The following RAD51B variants were observed in gnomAD, a reference collection of about 807,000 sequenced individuals.
RAD51B encodes RAD51 paralog B.
Under a neutral mutation model 42.2 loss-of-function variants are expected in RAD51B, and 38 were observed. That is an observed-to-expected ratio of 0.90 (90% confidence interval 0.70 to 1.18). The LOEUF (loss-of-function observed/expected upper bound fraction) is 1.18, where lower values mean the gene tolerates loss of function less well. RAD51B is among the 50% of genes most tolerant of loss of function. The pLI is 0.00. For synonymous variants in RAD51B, 154 were observed against 145.2 expected, an observed-to-expected ratio of 1.06 and a Z score of -0.43; for missense variants, 373 against 400.7, an observed-to-expected ratio of 0.93 and a Z score of 0.59.
At chr14:68,628,866 G>A (rs954820546) in intron 10 of RAD51B, among the ~76,000 whole-genome samples, 1 of 152,190 alleles carries the variant, frequency 6.6e-6, no homozygotes, top group Non-Finnish European at 1.5e-5. Flanking sequence ...ACAGCCTCGG[G>A]CATGAACCCG....
chr14:67,884,468 A>C (rs777769679), intron 5 of RAD51B, among the ~76,000 whole-genome samples: 1 of 152,320 alleles, frequency 6.6e-6, no homozygotes, highest in South Asian at 2.1e-4. Context: ...AAAAACTGGT[A>C]GGTTCTAAGT....
chr14:68,427,335 C>G (rs750779429), intron 9 of RAD51B, among the ~76,000 whole-genome samples: 1 of 152,202 alleles, frequency 6.6e-6, no homozygotes, highest in Non-Finnish European at 1.5e-5. Flanking sequence ...GCCCCAGCCT[C>G]GGACAGCTGA....
At chr14:68,010,189 T>C (rs1269104697) in intron 7 of RAD51B, among the ~76,000 whole-genome samples, 1 of 151,866 alleles carries the variant, frequency 6.6e-6, no homozygotes, top group East Asian at 1.9e-4. Context: ...TTATATCTAA[T>C]TGGAACCTAC....
intron 9 of RAD51B, among the ~76,000 whole-genome samples, chr14:68,424,782 T>C (rs1271250213): frequency 6.6e-6 from 1 of 152,180 alleles, no homozygotes; most frequent in East Asian, 1.9e-4. Flanking sequence ...GTAATCTCTT[T>C]TTTTTCCTTA....
At chr14:68,375,579 A>G (rs2083351539) in intron 8 of RAD51B, among the ~76,000 whole-genome samples, 1 of 151,988 alleles carries the variant, frequency 6.6e-6, no homozygotes, top group Non-Finnish European at 1.5e-5. Flanking sequence ...CTCTTCTCAC[A>G]ACTGTAACTA....
At chr14:67,984,161 T>C (rs1384287826) in intron 7 of RAD51B, among the ~76,000 whole-genome samples, 2 of 152,058 alleles carry the variant, frequency 1.3e-5, no homozygotes, top group Non-Finnish European at 2.9e-5. Flanking sequence ...CTGGTCTCGA[T>C]CTCTTGACCT....
chr14:68,041,304 C>G (rs2076213730), intron 7 of RAD51B, among the ~76,000 whole-genome samples: 1 of 152,086 alleles, frequency 6.6e-6, no homozygotes, highest in Non-Finnish European at 1.5e-5. Context: ...TATAAATTAC[C>G]CAGTCTCAGG....
intron 4 of RAD51B, among the ~76,000 whole-genome samples, chr14:67,856,880 G>GGTT (rs1484975241): frequency 1.3e-5 from 2 of 151,698 alleles, no homozygotes; most frequent in African/African-American, 4.8e-5. Flanking sequence ...TTCTCAAGCA[G>GGTT]GTTGTTGAAA....
chr14:68,669,036 G>A (rs7141573), intron 11 of RAD51B, among the ~76,000 whole-genome samples: 80,910 of 152,088 alleles, frequency 0.53, 22,188 homozygotes, highest in East Asian at 0.85. Context: ...CTTTGCTAGA[G>A]TCCAGAAAGA....
intron 10 of RAD51B, among the ~76,000 whole-genome samples, chr14:68,637,092 T>G (rs1892356115): frequency 6.6e-6 from 1 of 152,326 alleles, no homozygotes; most frequent in South Asian, 2.1e-4. Context: ...AACAAACTTT[T>G]TTTTTCAGAC....
intron 7 of RAD51B, among the ~76,000 whole-genome samples, chr14:67,966,489 A>G (rs572050319): frequency 1.3e-5 from 2 of 152,304 alleles, no homozygotes; most frequent in African/African-American, 4.8e-5. Flanking sequence ...TATCTTCAAA[A>G]CATGTGGAAT....
At chr14:68,338,906 A>T in intron 8 of RAD51B, 3 of 652,102 alleles carry the variant, frequency 4.6e-6, no homozygotes, top group Non-Finnish European at 8.6e-6. Flanking sequence ...CTTCCGAGTT[A>T]ACCTTTGTGA....
chr14:68,438,006 TGTGTCTGTACAATGAGTAG>T (rs1167071641), intron 9 of RAD51B, among the ~76,000 whole-genome samples: 1 of 152,080 alleles, frequency 6.6e-6, no homozygotes, highest in Non-Finnish European at 1.5e-5. Flanking sequence ...GAGCACTAAA[TGTGTCTGTACAATGAGTAG>T]GGATCGGGGA....
At chr14:68,212,242 G>T (rs946546191) in intron 7 of RAD51B, among the ~76,000 whole-genome samples, 1 of 152,184 alleles carries the variant, frequency 6.6e-6, no homozygotes, top group Admixed American at 6.5e-5. Flanking sequence ...TGGAAGTTTG[G>T]CTCTAGAATC....
At chr14:68,661,235 C>T (rs4420467) in intron 11 of RAD51B, among the ~76,000 whole-genome samples, 44,386 of 152,190 alleles carry the variant, frequency 0.29, 7,139 homozygotes, top group African/African-American at 0.4. Flanking sequence ...AGGGAACCAA[C>T]TCTGAGATTC....
intron 7 of RAD51B, among the ~76,000 whole-genome samples, chr14:67,922,858 A>G (rs2044372376): frequency 6.6e-6 from 1 of 151,478 alleles, no homozygotes; most frequent in Admixed American, 6.6e-5. Context: ...CGCCTGGCTA[A>G]TTTTTGTATT....
chr14:68,327,462 G>C (rs1473842510), intron 8 of RAD51B, among the ~76,000 whole-genome samples: 2 of 150,762 alleles, frequency 1.3e-5, no homozygotes, highest in African/African-American at 4.9e-5. Flanking sequence ...TAGGCCAAGA[G>C]TATATTACGC....
chr14:67,893,664 C>T (rs148782661), intron 7 of RAD51B, among the ~76,000 whole-genome samples: 208 of 152,016 alleles, frequency 1.4e-3, no homozygotes, highest in African/African-American at 4.7e-3. Context: ...GAGCAAGACC[C>T]TGTCTCAAAA....
At chr14:68,660,796 G>A (rs1470287827) in intron 11 of RAD51B, among the ~76,000 whole-genome samples, 1 of 152,204 alleles carries the variant, frequency 6.6e-6, no homozygotes, top group African/African-American at 2.4e-5. Flanking sequence ...AGATGGGTAG[G>A]AAGAGCCACT....
Sources: allele counts gnomAD v4.1 joint callset (sites outside exome capture counted in the v4.1 genomes callset), GRCh38; gene constraint gnomAD v4.1.1; transcripts MANE v1.5; gene names NCBI Gene and HGNC (gene_info 2026-07-23, HGNC 2026-07-21).